The following RFX3 variants were observed in gnomAD, a reference collection of about 807,000 sequenced individuals.
RFX3 encodes regulatory factor X3, also known as transcription factor RFX3.
Under a neutral mutation model 98.6 loss-of-function variants are expected in RFX3, and 14 were observed. The observed-to-expected ratio is 0.14, with a 90% CI of 0.09 to 0.22. The LOEUF (loss-of-function observed/expected upper bound fraction) is 0.22, where lower values mean the gene tolerates loss of function less well. RFX3 is among the 10% of genes least tolerant of loss of function. The pLI is 1.00. For synonymous variants in RFX3, 383 were observed against 328.4 expected (o/e 1.17, Z -1.80); for missense variants, 639 against 926.9 (o/e 0.69, Z 4.03).
At chr9:3,404,905 T>C (rs1587539356) in intron 1 of RFX3, among the ~76,000 whole-genome samples, 1 of 152,194 alleles carries the variant, frequency 6.6e-6, no homozygotes, top group East Asian at 1.9e-4. Flanking sequence ...TCTTCATTTC[T>C]GCCCATTCTA....
intron 1 of RFX3, among the ~76,000 whole-genome samples, chr9:3,401,324 T>C (rs993665279): frequency 6.6e-6 from 1 of 152,216 alleles, no homozygotes; most frequent in African/African-American, 2.4e-5. Context: ...AGTATTCTGG[T>C]AGGCTTCCAA....
intron 6 of RFX3, 47 bp from the exon 7 acceptor site, chr9:3,288,297 A>G (rs769048534): frequency 7.0e-6 from 11 of 1,573,598 alleles, no homozygotes; most frequent in African/African-American, 1.3e-5. Flanking sequence ...CAGTCAAACT[A>G]ATATTAATCA....
chr9:3,264,967 A>C (rs1214447405), intron 12 of RFX3, among the ~76,000 whole-genome samples: 1 of 152,190 alleles, frequency 6.6e-6, no homozygotes, highest in African/African-American at 2.4e-5. Flanking sequence ...ACTGACTGAA[A>C]GTTGAAAAGG....
chr9:3,247,799 A>G, intron 15 of RFX3: 2 of 1,605,660 alleles, frequency 1.2e-6, no homozygotes, highest in Non-Finnish European at 1.7e-6. Flanking sequence ...TAATATAGAG[A>G]CACATTCCAT....
chr9:3,394,343 G>A (rs1435954677), intron 2 of RFX3, among the ~76,000 whole-genome samples: 1 of 152,072 alleles, frequency 6.6e-6, no homozygotes, highest in African/African-American at 2.4e-5. Flanking sequence ...GGCACCTGTA[G>A]TCCCAGCTAT....
chr9:3,454,862 C>T (rs1847004036), intron 1 of RFX3, among the ~76,000 whole-genome samples: 1 of 152,172 alleles, frequency 6.6e-6, no homozygotes, highest in South Asian at 2.1e-4. Flanking sequence ...ATCAGGGACA[C>T]AGAAATAACG....
In RFX3 at chr9:3,427,414, TATA is replaced by T. The variant is rs376976292; in HGVS notation, c.-8-31821_-8-31819del. 2.6e-3 allele frequency among the ~76,000 whole-genome samples: 355 copies of T among 138,886 alleles called. 2 individuals are homozygous for T. Among genetic ancestry groups the T allele is most frequent in the African/African-American group, 8.5e-3 (301 of 35,256 alleles). 91.1% of individuals were successfully genotyped at this position (138,886 alleles called of 152,430 possible). A position where few individuals can be genotyped will look rare whatever the true frequency, so the allele number is the denominator to read the frequency against. Reference sequence around the variant, plus strand: ...CAATATATATAAATATATATTGTTATATAATAATACAATATATAAATATATATT... The same window carrying T: ...CAATATATATAAATATATATTGTTATATAATACAATATATAAATATATATT... On this transcript the variant is annotated intron_variant, in intron 1 of 16. Transcript: ENST00000617270.
At chr9:3,279,288 T>A (rs973121845) in intron 7 of RFX3, among the ~76,000 whole-genome samples, 7 of 151,920 alleles carry the variant, frequency 4.6e-5, no homozygotes, top group African/African-American at 1.7e-4. Flanking sequence ...CCTTTTCAGC[T>A]ATGGAATTGT....
intron 15 of RFX3, chr9:3,247,673 C>G (rs1820861149): frequency 6.9e-7 from 1 of 1,450,520 alleles, no homozygotes; most frequent in Non-Finnish European, 9.1e-7. Context: ...CATATTTAAT[C>G]CTTTCCATTG....
At chr9:3,504,804 A>G (rs1816608731) in intron 1 of RFX3, among the ~76,000 whole-genome samples, 1 of 72,838 alleles carries the variant, frequency 1.4e-5, no homozygotes, top group African/African-American at 5.0e-5. Flanking sequence ...ATTATATTAT[A>G]TATAAAATAT....
At chr9:3,283,042 T>C (rs1826116828) in intron 7 of RFX3, among the ~76,000 whole-genome samples, 1 of 151,824 alleles carries the variant, frequency 6.6e-6, no homozygotes, top group Non-Finnish European at 1.5e-5. Context: ...TTGGTAGTTA[T>C]TGAGTTGTGA....
At chr9:3,524,086 A>G (rs189916354) in intron 1 of RFX3, among the ~76,000 whole-genome samples, 1 of 145,428 alleles carries the variant, frequency 6.9e-6, no homozygotes, top group East Asian at 1.9e-4. Flanking sequence ...GCTGTTAGAA[A>G]GAAGACTATT....
At chr9:3,406,904 A>T (rs1240837454) in intron 1 of RFX3, among the ~76,000 whole-genome samples, 2 of 152,206 alleles carry the variant, frequency 1.3e-5, no homozygotes, top group African/African-American at 2.4e-5. Context: ...CAAGATAAGG[A>T]TTAAGTAAAC....
chr9:3,445,047 T>G (rs1052906198), intron 1 of RFX3, among the ~76,000 whole-genome samples: 1 of 152,156 alleles, frequency 6.6e-6, no homozygotes, highest in African/African-American at 2.4e-5. Flanking sequence ...TTAATCACAT[T>G]CATGAAACTT....
At position 3,357,224 on chromosome 9, in the gene RFX3, C is replaced by T. The variant is rs1835883446; in HGVS notation, c.118-10460G>A. On this transcript the variant is annotated intron_variant, in intron 2 of 16. Transcript: ENST00000617270. ...ATCATTTCATTAATAATATGTAAAC[C>T]TTGATGGATATTTTCAAACATAGCC... Among the ~76,000 whole-genome samples, 4 of 151,860 alleles carry T rather than the reference C, an allele frequency of 2.6e-5. No homozygotes were observed. The South Asian group carries it at 6.2e-4, about 24-fold the overall frequency.
intron 2 of RFX3, among the ~76,000 whole-genome samples, chr9:3,348,745 A>G (rs565699165): frequency 6.6e-6 from 1 of 152,160 alleles, no homozygotes; most frequent in South Asian, 2.1e-4. Context: ...GCTTTTGAAC[A>G]TATTTAATGA....
At chr9:3,275,368 G>T in intron 9 of RFX3, 132 bp downstream of exon 9, 2 of 525,370 alleles carry the variant, frequency 3.8e-6, no homozygotes, top group South Asian at 5.9e-5. Flanking sequence ...GAATTTGTTA[G>T]TGCTAAAAGA....
chr9:3,414,423 A>C (rs1842711463), intron 1 of RFX3, among the ~76,000 whole-genome samples: 1 of 151,896 alleles, frequency 6.6e-6, no homozygotes, highest in Non-Finnish European at 1.5e-5. Context: ...ACTAGTTGAA[A>C]GATCCAAAGA....
chr9:3,388,253 C>T (rs1465681200), intron 2 of RFX3, among the ~76,000 whole-genome samples: 1 of 151,966 alleles, frequency 6.6e-6, no homozygotes, highest in African/African-American at 2.4e-5. Flanking sequence ...AATCTATTTC[C>T]TAAAGATTAA....
Sources: gnomAD v4.1 joint callset for allele counts (sites outside exome capture counted in the v4.1 genomes callset) on GRCh38, gnomAD v4.1.1 for gene constraint, MANE v1.5 for transcripts, NCBI Gene and HGNC (gene_info 2026-07-23, HGNC 2026-07-21) for gene names.